The following APBB2 variants were observed in gnomAD, a reference collection of about 807,000 sequenced individuals.
The protein encoded by APBB2 is Fe65-like 1.
Under a neutral mutation model 82.5 loss-of-function variants are expected in APBB2, and 38 were observed. The ratio of observed to expected loss-of-function variants is 0.46; its 90% confidence interval spans 0.36 to 0.60. APBB2 has a LOEUF of 0.60. Among genes scored for constraint, APBB2 ranks in the 20% least tolerant of loss-of-function variants. The probability of loss-of-function intolerance (pLI) is 0.00; values close to 1 mark genes in which losing one functional copy is unlikely to be tolerated. For synonymous variants in APBB2, 341 were observed against 368.2 expected, an observed-to-expected ratio of 0.93 and a Z score of 0.85; for missense variants, 772 against 972.3, an observed-to-expected ratio of 0.79 and a Z score of 2.74.
chr4:41,053,507 C>T (rs1174300026), intron 4 of APBB2, among the ~76,000 whole-genome samples: 4 of 152,152 alleles, frequency 2.6e-5, no homozygotes, highest in African/African-American at 9.7e-5. Context: ...CAGCTTGGAA[C>T]TCAGCCACAA....
At chr4:41,099,066 A>G (rs1402696550) in intron 3 of APBB2, among the ~76,000 whole-genome samples, 2 of 152,154 alleles carry the variant, frequency 1.3e-5, no homozygotes, top group Admixed American at 1.3e-4. Flanking sequence ...ACTATTACAA[A>G]TATTTCACTG....
chr4:40,992,750 G>T (rs75381205), intron 6 of APBB2, among the ~76,000 whole-genome samples: 16,290 of 152,144 alleles, frequency 0.11, 984 homozygotes, highest in Middle Eastern at 0.17. Flanking sequence ...AGGCCAGGGA[G>T]CTGCACCACC....
intron 1 of APBB2, among the ~76,000 whole-genome samples, chr4:41,199,488 T>C (rs936549147): frequency 1.3e-5 from 2 of 152,244 alleles, no homozygotes; most frequent in African/African-American, 4.8e-5. Context: ...TAATTTATTG[T>C]GCACCTCCTT....
chr4:41,028,983 C>T (rs548388017), intron 5 of APBB2, among the ~76,000 whole-genome samples: 1 of 152,362 alleles, frequency 6.6e-6, no homozygotes, highest in East Asian at 1.9e-4. Context: ...ACAAGAACTT[C>T]TCTCTTCAAT....
chr4:41,129,412 C>T (rs115554536), intron 2 of APBB2, among the ~76,000 whole-genome samples: 72 of 152,272 alleles, frequency 4.7e-4, no homozygotes, highest in Non-Finnish European at 9.3e-4. Flanking sequence ...CCTGAAATGT[C>T]ATCACCTCTC....
chr4:40,999,154 T>C (rs1442481501), intron 6 of APBB2, among the ~76,000 whole-genome samples: 2 of 152,168 alleles, frequency 1.3e-5, no homozygotes, highest in Non-Finnish European at 2.9e-5. Flanking sequence ...TATCCTGAGA[T>C]ACAGTATCCT....
Position 41,034,139 on chromosome 4 carries a change from G to C in APBB2, c.-50-835C>G, listed in dbSNP as rs188453784. ...CCCACTGCTCGGCAATTCCACTTCTGATAATTTGTTTCACAGACAAGCTAA... is the reference window on the plus strand; with the variant it reads ...CCCACTGCTCGGCAATTCCACTTCTCATAATTTGTTTCACAGACAAGCTAA... On this transcript the variant is annotated intron_variant, in intron 4 of 17. Transcript: ENST00000508593. Among the ~76,000 whole-genome samples the C allele has an allele frequency of 2.4e-4, 37 of 152,300 alleles. No individual in the cohort carries two copies. The East Asian group carries it at 4.0e-3, about 17-fold the overall frequency.
rs1759703534 is a variant in APBB2 at position 41,143,129 on chromosome 4, A to G, written c.-403T>C. 2.0e-5 allele frequency: 3 copies of G among 152,230 alleles called. No individual in the cohort carries two copies. 9.4% of individuals were successfully genotyped at this position (152,230 alleles called of 1,614,324 possible). ...GGCTACAGACCACAGCAGCTCACCC[A>G]CAGCAACTCCAACCTGGGGGGGCAA... On this transcript the variant is annotated 5_prime_UTR_variant, in exon 2 of 18. Transcript: ENST00000508593.
rs1796250142 is a variant in APBB2 at position 40,972,639 on chromosome 4, G to C, written c.836-27566C>G. Among the ~76,000 whole-genome samples the C allele has an allele frequency of 2.6e-5, 4 of 152,184 alleles. No individual in the cohort carries two copies. In the South Asian group the frequency reaches 8.3e-4, roughly 31 times the overall value. ...GAACCAGGCATTGAACTAGGTGTTA[G>C]AAGTAAACAGAGGCAACCACACTGC... On this transcript the variant is annotated intron_variant, in intron 6 of 17. Coordinates refer to ENST00000508593, the MANE Select transcript of APBB2 (RefSeq NM_004307.2).
chr4:41,150,436 T>C (rs915790435), intron 1 of APBB2, among the ~76,000 whole-genome samples: 5 of 152,230 alleles, frequency 3.3e-5, no homozygotes, highest in Non-Finnish European at 7.3e-5. Context: ...CAGTGAAGTC[T>C]AGATCATTAG....
At chr4:40,977,660 C>G (rs1553890761) in intron 6 of APBB2, among the ~76,000 whole-genome samples, 1 of 152,046 alleles carries the variant, frequency 6.6e-6, no homozygotes, top group Non-Finnish European at 1.5e-5. Context: ...TCAAGAGCGT[C>G]TATATATATT....
At chr4:41,144,821 C>T (rs1038987072) in intron 1 of APBB2, among the ~76,000 whole-genome samples, 2 of 152,218 alleles carry the variant, frequency 1.3e-5, no homozygotes, top group African/African-American at 2.4e-5. Flanking sequence ...AAAACTGTCA[C>T]TAAGTTAAAA....
intron 6 of APBB2, among the ~76,000 whole-genome samples, chr4:41,004,523 GCA>G (rs1806133216): frequency 6.6e-6 from 1 of 152,084 alleles, no homozygotes; most frequent in South Asian, 2.1e-4. Context: ...ACCTAGCTCA[GCA>G]CACAGAGTTG....
At chr4:41,151,008 C>T (rs560901626) in intron 1 of APBB2, among the ~76,000 whole-genome samples, 1 of 152,194 alleles carries the variant, frequency 6.6e-6, no homozygotes, top group Non-Finnish European at 1.5e-5. Context: ...AAAGCGCTGG[C>T]CCAGACCTCT....
At chr4:41,148,923 G>A (rs1306766099) in intron 1 of APBB2, among the ~76,000 whole-genome samples, 6 of 152,072 alleles carry the variant, frequency 3.9e-5, no homozygotes, top group East Asian at 1.9e-4. Flanking sequence ...AAATAGAAAC[G>A]AGCAGCAATG....
rs137961565 is a variant in APBB2 at position 40,880,390 on chromosome 4, G to T, written c.1529+9974C>A. Reference sequence around the variant, plus strand: ...AGGATGATGACATTTGAGTAAAAAGGTTCCAGGTGACAACTCGTGTATGAA... The same window carrying T: ...AGGATGATGACATTTGAGTAAAAAGTTTCCAGGTGACAACTCGTGTATGAA... On this transcript the variant is annotated intron_variant, in intron 12 of 17. Coordinates refer to ENST00000508593, the MANE Select transcript of APBB2 (RefSeq NM_004307.2). 149 of 985,428 alleles carry T rather than the reference G, an allele frequency of 1.5e-4. 1 individual carries two copies. In the African/African-American group the frequency reaches 2.3e-3, roughly 15 times the overall value. 61.0% of individuals were successfully genotyped at this position (985,428 alleles called of 1,614,324 possible).
intron 10 of APBB2, among the ~76,000 whole-genome samples, chr4:40,921,626 C>T (rs1480815891): frequency 6.6e-6 from 1 of 152,112 alleles, no homozygotes; most frequent in Non-Finnish European, 1.5e-5. Flanking sequence ...TAGCATTTTG[C>T]TTTATTTATT....
Position 40,813,641 on chromosome 4 carries a change from T to G in APBB2, c.*2451A>C, listed in dbSNP as rs749074940. 1.3e-5 allele frequency: 2 copies of G among 152,218 alleles called. No individual in the cohort carries two copies. Among genetic ancestry groups the G allele is most frequent in the Non-Finnish European group, 2.9e-5 (2 of 68,030 alleles). The allele number at this position is 152,218 out of a possible 1,614,324, so 9.4% of individuals were successfully genotyped here. A position where few individuals can be genotyped will look rare whatever the true frequency, so the allele number is the denominator to read the frequency against. On this transcript the variant is annotated 3_prime_UTR_variant, in exon 18 of 18. Coordinates refer to ENST00000508593, the MANE Select transcript of APBB2 (RefSeq NM_004307.2). The stretch of plus-strand genomic sequence containing the variant: ...AAAGGCTATCATTCATCTTAATGCA[T>G]CCTATAATTGCACATATAAATCAGT...
intron 6 of APBB2, among the ~76,000 whole-genome samples, chr4:41,006,066 C>T (rs1806629465): frequency 6.6e-6 from 1 of 152,200 alleles, no homozygotes; most frequent in Non-Finnish European, 1.5e-5. Flanking sequence ...TGAAGTACCT[C>T]GTATGATACC....
Sources: allele counts gnomAD v4.1 joint callset (sites outside exome capture counted in the v4.1 genomes callset), GRCh38; gene constraint gnomAD v4.1.1; transcripts MANE v1.5; gene names NCBI Gene and HGNC (gene_info 2026-07-23, HGNC 2026-07-21).